Variants in CSMD2 observed in about 807,000 individuals in gnomAD.
The protein encoded by CSMD2 is CUB and Sushi multiple domains 2, also known as CUB and sushi domain-containing protein 2.
CSMD2 carries 130 observed loss-of-function variants against 398.5 expected under a neutral mutation model. That is an observed-to-expected ratio of 0.33 (90% confidence interval 0.28 to 0.38). CSMD2 has a LOEUF of 0.38. CSMD2 is among the 10% of genes least tolerant of loss of function. The pLI, the probability that CSMD2 is intolerant of heterozygous loss-of-function variation, is 1.00. For missense variants in CSMD2, 3,829 were observed against 4,764.9 expected, an observed-to-expected ratio of 0.80 and a Z score of 5.78; for synonymous variants, 1,828 against 1,908.5, an observed-to-expected ratio of 0.96 and a Z score of 1.10.
intron 10 of CSMD2, among the ~76,000 whole-genome samples, chr1:33,792,947 C>T (rs938579027): frequency 2.0e-5 from 3 of 152,224 alleles, no homozygotes. Flanking sequence ...TCTCCTCTGA[C>T]TGCTTTTCTC....
At chr1:33,874,656 G>A (rs1177998788) in intron 5 of CSMD2, among the ~76,000 whole-genome samples, 2 of 152,162 alleles carry the variant, frequency 1.3e-5, no homozygotes, top group African/African-American at 4.8e-5. Flanking sequence ...GTGTCTCAAA[G>A]GGAGGGCTTG....
Position 33,514,868 on chromosome 1 carries a change from C to T in CSMD2, c.*1756G>A, listed in dbSNP as rs1437736523. 7 of 152,168 alleles carry T rather than the reference C, an allele frequency of 4.6e-5. No homozygotes were observed. In the South Asian group the frequency reaches 1.2e-3, roughly 27 times the overall value. The allele number at this position is 152,168 out of a possible 1,614,324, so 9.4% of individuals were successfully genotyped here. A position where few individuals can be genotyped will look rare whatever the true frequency, so the allele number is the denominator to read the frequency against. ...GCTGGAAATGGACGCCTCTCACTTT[C>T]CTCTGGCCACTCTTAACATCAGTCA... On this transcript the variant is annotated 3_prime_UTR_variant, in exon 71 of 71. Transcript: ENST00000373381.
chr1:33,623,272 T>A (rs1641889526), intron 36 of CSMD2, 98 bp downstream of exon 36: 1 of 855,626 alleles, frequency 1.2e-6, no homozygotes, highest in Non-Finnish European at 1.9e-6. Context: ...TCATGGAATA[T>A]AAGTGATATC....
At chr1:33,864,627 G>A in intron 5 of CSMD2, 2 of 1,613,984 alleles carry the variant, frequency 1.2e-6, no homozygotes, top group Non-Finnish European at 1.7e-6. Flanking sequence ...TGAGCAAAGA[G>A]TGGCTCTCCT....
At chr1:33,950,722 C>T (rs552746171) in intron 3 of CSMD2, among the ~76,000 whole-genome samples, 206 of 152,240 alleles carry the variant, frequency 1.4e-3, no homozygotes, top group African/African-American at 4.6e-3. Flanking sequence ...TAAATCTCCC[C>T]AGGTGAAAAA....
intron 3 of CSMD2, among the ~76,000 whole-genome samples, chr1:34,006,330 G>T (rs7537043): frequency 0.13 from 19,882 of 151,888 alleles, 2,184 homozygotes; most frequent in East Asian, 0.39. Flanking sequence ...GTGTCCCCAA[G>T]ACCCCACCTA....
In CSMD2 at chr1:33,662,948, G is replaced by A. The variant is rs764438950; in HGVS notation, c.4197C>T (p.Val1399=). 5 of 1,614,206 alleles carry A rather than the reference G, an allele frequency of 3.1e-6. No individual in the cohort carries two copies. Among genetic ancestry groups the A allele is most frequent in the Non-Finnish European group, 4.2e-6 (5 of 1,180,042 alleles). ...KDLHSTFNSV[V]LQFSTDFFTS... ...TGAAGAAGTCAGTGCTGAACTGCAG[G>A]ACGACCGAGTTGAAGGTGCTATGCA... Residue 1399 remains valine (V), a synonymous_variant, in exon 26 of 71, where the codon GTC becomes GTT. Coordinates refer to ENST00000373381, the MANE Select transcript of CSMD2 (RefSeq NM_001281956.2).
intron 1 of CSMD2, among the ~76,000 whole-genome samples, chr1:34,143,155 T>C (rs1446898715): frequency 6.6e-6 from 1 of 152,088 alleles, no homozygotes. Context: ...CTGAATATGA[T>C]AATCATATAA....
Position 33,576,960 on chromosome 1 carries a change from G to C in CSMD2, c.7576+336C>G, listed in dbSNP as rs729176. Among the ~76,000 whole-genome samples, 605 of 151,998 alleles carry C rather than the reference G, an allele frequency of 4.0e-3. 3 individuals carry two copies. Among genetic ancestry groups the C allele is most frequent in the African/African-American group, 0.013 (553 of 41,440 alleles). On this transcript the variant is annotated intron_variant, in intron 49 of 70. Transcript: ENST00000373381. Reference sequence around the variant, plus strand: ...GATCAACCCACTTGCTCTATGAGCCGGAACCCAAGCATCCCCTCTGCTGGG... The same window carrying C: ...GATCAACCCACTTGCTCTATGAGCCCGAACCCAAGCATCCCCTCTGCTGGG...
chr1:33,788,757 C>A (rs776276412), intron 11 of CSMD2, 45 bp from the exon 12 acceptor site: 3 of 1,207,414 alleles, frequency 2.5e-6, no homozygotes. Flanking sequence ...CACCATGACA[C>A]CCGAATAGAA....
intron 5 of CSMD2, among the ~76,000 whole-genome samples, chr1:33,852,701 T>G (rs1638801850): frequency 6.6e-6 from 1 of 152,252 alleles, no homozygotes; most frequent in South Asian, 2.1e-4. Context: ...CCATGGGAGC[T>G]GGAATAAAAT....
At chr1:34,045,062 C>T (rs1652341364) in intron 2 of CSMD2, among the ~76,000 whole-genome samples, 1 of 151,940 alleles carries the variant, frequency 6.6e-6, no homozygotes, top group Non-Finnish European at 1.5e-5. Context: ...CACACACACA[C>T]ACACACACAC....
chr1:33,971,005 CAGCTT>C (rs1645742224), intron 3 of CSMD2, among the ~76,000 whole-genome samples: 1 of 152,166 alleles, frequency 6.6e-6, no homozygotes, highest in African/African-American at 2.4e-5. Context: ...TGCATATAAA[CAGCTT>C]AGCACAGTGC....
At position 33,519,577 on chromosome 1, in the gene CSMD2, T is replaced by C. The variant is rs115143061; in HGVS notation, c.10837A>G (p.Thr3613Ala). ...NPMYDRNIQP[T>A]DIMASEAEFT... Reference sequence around the variant, plus strand: ...TCCGCCTCGCTGGCCATGATGTCTGTGGGCTGGATGTTGCGGTCGTACATT... The same window carrying C: ...TCCGCCTCGCTGGCCATGATGTCTGCGGGCTGGATGTTGCGGTCGTACATT... The change falls in exon 70 of 71, where the codon ACA (threonine) becomes GCA (alanine). Residue 3613 changes from threonine (T) to alanine (A), a missense_variant. Physicochemically the swap from Thr to Ala is moderately conservative, Grantham distance 58. Transcript: ENST00000373381. This position sits in a 1 kb window ranked among gnomAD's most constrained non-coding sequence, Gnocchi z 5.6. The C allele has an allele frequency of 6.5e-4, 1,046 of 1,614,060 alleles. 10 individuals are homozygous for C. The African/African-American group carries it at 0.013, about 20-fold the overall frequency.
intron 10 of CSMD2, among the ~76,000 whole-genome samples, chr1:33,803,152 G>A (rs560039982): frequency 4.3e-4 from 65 of 152,228 alleles, no homozygotes; most frequent in Non-Finnish European, 7.8e-4. Flanking sequence ...TTTGCATCAC[G>A]ATTCTCCTCC....
chr1:33,699,920 C>T (rs1645549870), intron 23 of CSMD2, among the ~76,000 whole-genome samples: 1 of 152,176 alleles, frequency 6.6e-6, no homozygotes, highest in Non-Finnish European at 1.5e-5. Flanking sequence ...TGATGGAGCT[C>T]AAACAATATG....
intron 56 of CSMD2, among the ~76,000 whole-genome samples, chr1:33,547,204 T>G (rs988602718): frequency 6.6e-6 from 1 of 152,036 alleles, no homozygotes; most frequent in African/African-American, 2.4e-5. Context: ...GCAAACCCAC[T>G]CAAGAGACCT....
At chr1:33,619,096 T>G (rs1396735163) in intron 37 of CSMD2, among the ~76,000 whole-genome samples, 4 of 152,218 alleles carry the variant, frequency 2.6e-5, no homozygotes, top group Non-Finnish European at 5.9e-5. Context: ...CTAAAAAGTT[T>G]CTGTGTCTTG....
At chr1:34,141,093 C>T (rs1225915282) in intron 1 of CSMD2, among the ~76,000 whole-genome samples, 1 of 152,118 alleles carries the variant, frequency 6.6e-6, no homozygotes, top group Non-Finnish European at 1.5e-5. Context: ...TGAAAACTAC[C>T]TGCTCCACCT....
Sources: allele counts gnomAD v4.1 joint callset (sites outside exome capture counted in the v4.1 genomes callset), GRCh38; gene constraint gnomAD v4.1.1; non-coding constraint Gnocchi (gnomAD v3.1); transcripts MANE v1.5; gene names NCBI Gene and HGNC (gene_info 2026-07-23, HGNC 2026-07-21).